Variants in POTEG observed in about 807,000 individuals in gnomAD.
The protein encoded by POTEG is ANKRD26-like family C member 2.
A neutral mutation model predicts 49.6 loss-of-function variants in POTEG; 2 were observed. That is an observed-to-expected ratio of 0.04 (90% CI 0.02 to 0.13). The LOEUF is 0.13. POTEG is among the 10% of genes least tolerant of loss of function. The pLI is 1.00. For missense variants in POTEG, 26 were observed against 545.2 expected (o/e 0.05, Z 9.48); for synonymous variants, 7 against 186.6 (o/e 0.04, Z 7.84).
chr14:19,432,425 T>A (rs1439353367), intron 1 of POTEG, among the ~76,000 whole-genome samples: 1 of 75,526 alleles, frequency 1.3e-5, no homozygotes, highest in Non-Finnish European at 2.8e-5. Context: ...TATATATATG[T>A]ATATACGTAT....
chr14:19,408,994 TTAACA>T (rs879470471), intron 9 of POTEG, among the ~76,000 whole-genome samples: 1,822 of 136,058 alleles, frequency 0.013, no homozygotes, highest in African/African-American at 0.028. Flanking sequence ...TGAAAAAATA[TTAACA>T]TAAAGAATGT....
chr14:19,414,330 T>G (rs545197958), intron 8 of POTEG, among the ~76,000 whole-genome samples: 1 of 145,274 alleles, frequency 6.9e-6, no homozygotes, highest in Non-Finnish European at 1.6e-5. Context: ...TGGCATTACT[T>G]AGCATTTTAT....
At chr14:19,432,763 T>C (rs1485248646) in intron 1 of POTEG, among the ~76,000 whole-genome samples, 1 of 92,406 alleles carries the variant, frequency 1.1e-5, no homozygotes, top group Non-Finnish European at 2.1e-5. Flanking sequence ...TTTGTGGAAA[T>C]AAATAACATG....
intron 7 of POTEG, among the ~76,000 whole-genome samples, chr14:19,415,363 G>T (rs1344267896): frequency 6.9e-6 from 1 of 144,382 alleles, no homozygotes; most frequent in Non-Finnish European, 1.6e-5. Context: ...AGGCAGTTGG[G>T]TTGCTTTTTT....
rs1439527444 is a variant in POTEG at position 19,425,524 on chromosome 14, T to C, written c.917+82A>G. On this transcript the variant is annotated intron_variant, in intron 4 of 10. Transcript: ENST00000547848. Reference sequence around the variant, plus strand: ...ATACTGATCACTATATCCCAATAAGTATACATTAATCTTATTTAATATTTA... The same window carrying C: ...ATACTGATCACTATATCCCAATAAGCATACATTAATCTTATTTAATATTTA... 72 of 533,292 alleles carry C rather than the reference T, an allele frequency of 1.4e-4. 20 individuals carry two copies. In the African/African-American group the frequency reaches 1.5e-3, roughly 11 times the overall value. The allele number at this position is 533,292 out of a possible 1,614,324, so 33.0% of individuals were successfully genotyped here. A position where few individuals can be genotyped will look rare whatever the true frequency, so the allele number is the denominator to read the frequency against.
chr14:19,418,557 CA>C (rs1217886275), intron 6 of POTEG, among the ~76,000 whole-genome samples: 2 of 51,330 alleles, frequency 3.9e-5, no homozygotes, highest in Non-Finnish European at 5.3e-5. Context: ...GGAACTTTGA[CA>C]AGTCTTATTA....
chr14:19,432,432 G>GTATATA (rs60251207), intron 1 of POTEG, among the ~76,000 whole-genome samples: 2 of 63,928 alleles, frequency 3.1e-5, no homozygotes, highest in Non-Finnish European at 2.9e-5. Context: ...ATGTATATAC[G>GTATATA]TATATATATA....
At chr14:19,433,553 A>G (rs1278364148) in intron 1 of POTEG, among the ~76,000 whole-genome samples, 3 of 125,694 alleles carry the variant, frequency 2.4e-5, no homozygotes, top group African/African-American at 9.3e-5. Context: ...GTGTTCTAGG[A>G]GGGAAATTAT....
At chr14:19,415,253 T>A (rs1184615369) in intron 7 of POTEG, among the ~76,000 whole-genome samples, 1 of 142,294 alleles carries the variant, frequency 7.0e-6, no homozygotes, top group African/African-American at 2.5e-5. Context: ...ATAAAAATTT[T>A]AATCTGTCCT....
At chr14:19,415,333 C>A (rs1421028361) in intron 7 of POTEG, among the ~76,000 whole-genome samples, 1 of 143,488 alleles carries the variant, frequency 7.0e-6, no homozygotes. Flanking sequence ...TCCCATTCTG[C>A]AAGATATGAT....
At position 19,432,345 on chromosome 14, in the gene POTEG, C is replaced by CAA. The variant is rs1291139817; in HGVS notation, c.521+1422_521+1423dup. On this transcript the variant is annotated intron_variant, in intron 1 of 10. Transcript: ENST00000547848. ...CCTGGGCAACAGAGTGAGACTCCATCAAAAAAAAAAAAGAAATTTTGTATA... is the reference window on the plus strand; with the variant it reads ...CCTGGGCAACAGAGTGAGACTCCATCAAAAAAAAAAAAAAGAAATTTTGTATA... Among the ~76,000 whole-genome samples the CAA allele has an allele frequency of 2.0e-4, 5 of 24,998 alleles. No homozygotes were observed. The South Asian group carries it at 3.4e-3, about 17-fold the overall frequency. The allele number at this position is 24,998 out of a possible 152,430, so 16.4% of individuals were successfully genotyped here. A position where few individuals can be genotyped will look rare whatever the true frequency, so the allele number is the denominator to read the frequency against.
At chr14:19,415,080 C>A (rs1200574760) in intron 7 of POTEG, among the ~76,000 whole-genome samples, 1 of 145,410 alleles carries the variant, frequency 6.9e-6, no homozygotes, top group East Asian at 2.0e-4. Context: ...GGATTGTAGG[C>A]ACACTTTAAA....
chr14:19,424,429 T>C, intron 4 of POTEG, 127 bp from the exon 5 acceptor site: 1 of 578,048 alleles, frequency 1.7e-6, no homozygotes, highest in South Asian at 2.5e-5. Context: ...GACATAAGCA[T>C]CTTCAGTGCT....
intron 6 of POTEG, among the ~76,000 whole-genome samples, chr14:19,418,986 G>GA (rs1883655771): frequency 1.1e-5 from 1 of 93,822 alleles, no homozygotes. Flanking sequence ...CTAAACAAAT[G>GA]AAAAAAGCAT....
At chr14:19,432,182 A>C (rs1270221866) in intron 1 of POTEG, among the ~76,000 whole-genome samples, 1 of 53,886 alleles carries the variant, frequency 1.9e-5, no homozygotes, top group Non-Finnish European at 3.5e-5. Flanking sequence ...CCCCATCTCT[A>C]CTAAAAATAC....
At chr14:19,408,427 AC>A (rs1405251781) in intron 9 of POTEG, among the ~76,000 whole-genome samples, 1 of 139,720 alleles carries the variant, frequency 7.2e-6, no homozygotes, top group East Asian at 2.1e-4. Flanking sequence ...ATCAGAATAG[AC>A]AGTGCCTGAC....
At position 19,416,136 on chromosome 14, in the gene POTEG, C is replaced by G. The variant is rs1303406036; in HGVS notation, c.1197+152G>C. Among the ~76,000 whole-genome samples the G allele has an allele frequency of 1.2e-3, 167 of 145,092 alleles. No homozygotes were observed. In the East Asian group the frequency reaches 0.016, roughly 14 times the overall value. The stretch of plus-strand genomic sequence containing the variant: ...TGAGATTACAGGCATGAGCCACCCC[C>G]CCAGCCAAAAGATTCTTAAAAAAAG... On this transcript the variant is annotated intron_variant, in intron 7 of 10. Transcript: ENST00000547848.
chr14:19,432,366 GTATATATATATATATATATATA>G (rs58599371), intron 1 of POTEG, among the ~76,000 whole-genome samples: 315 of 37,864 alleles, frequency 8.3e-3, no homozygotes, highest in Non-Finnish European at 0.011. Flanking sequence ...AAGAAATTTT[GTATATATATATATATATATATA>G]TATATATATA....
intron 6 of POTEG, among the ~76,000 whole-genome samples, chr14:19,419,022 A>C (rs1183467810): frequency 8.7e-6 from 1 of 114,384 alleles, no homozygotes; most frequent in African/African-American, 3.9e-5. Flanking sequence ...AAAAACAAAA[A>C]CAAAGGCCAA....
Sources: gnomAD v4.1 joint callset for allele counts (sites outside exome capture counted in the v4.1 genomes callset) on GRCh38, gnomAD v4.1.1 for gene constraint, MANE v1.5 for transcripts, NCBI Gene and HGNC (gene_info 2026-07-23, HGNC 2026-07-21) for gene names.